The following ADAM28 variants were observed in gnomAD, a reference collection of about 807,000 sequenced individuals.
The protein encoded by ADAM28 is disintegrin and metalloproteinase domain-containing protein 28.
ADAM28 carries 105 observed loss-of-function variants against 101.2 expected under a neutral mutation model. That is an observed-to-expected ratio of 1.04 (90% CI 0.89 to 1.22). The LOEUF is 1.22. Among genes scored for constraint, ADAM28 ranks in the 50% most tolerant of loss-of-function variants. The probability of loss-of-function intolerance (pLI) is 0.00; values close to 1 mark genes in which losing one functional copy is unlikely to be tolerated. For synonymous variants in ADAM28, 322 were observed against 310.6 expected (o/e 1.04, Z -0.39); for missense variants, 1,028 against 945.4 (o/e 1.09, Z -1.15).
At chr8:24,316,994 A>T (rs1811242812) in intron 6 of ADAM28, among the ~76,000 whole-genome samples, 1 of 145,616 alleles carries the variant, frequency 6.9e-6, no homozygotes, top group African/African-American at 2.6e-5. Context: ...AATAAATTTT[A>T]CTAAGGAGGT....
At chr8:24,306,361 T>TATATATATATATATAA (rs1809638746) in intron 2 of ADAM28, among the ~76,000 whole-genome samples, 2 of 115,390 alleles carry the variant, frequency 1.7e-5, no homozygotes, top group South Asian at 5.5e-4. Context: ...AATAAATAAA[T>TATATATATATATATAA]AAATATATAT....
intron 19 of ADAM28, 141 bp downstream of exon 19, chr8:24,350,113 C>T (rs572643874): frequency 1.0e-4 from 70 of 674,770 alleles, no homozygotes; most frequent in East Asian, 3.1e-4. Context: ...TCTTTTTGGA[C>T]GAGAAACTGG....
intron 19 of ADAM28, among the ~76,000 whole-genome samples, 166 bp from the exon 20 acceptor site, chr8:24,351,066 A>T (rs1816056157): frequency 6.6e-6 from 1 of 152,142 alleles, no homozygotes. Flanking sequence ...AGGCAATGAA[A>T]GAGGCTGACG....
At chr8:24,301,370 A>T (rs1808741926) in intron 2 of ADAM28, among the ~76,000 whole-genome samples, 1 of 152,146 alleles carries the variant, frequency 6.6e-6, no homozygotes, top group African/African-American at 2.4e-5. Context: ...GTTGTGCATT[A>T]TGCTTATTAT....
chr8:24,349,615 T>G (rs184757482), intron 18 of ADAM28, among the ~76,000 whole-genome samples: 62 of 152,354 alleles, frequency 4.1e-4, no homozygotes, highest in African/African-American at 1.3e-3. Flanking sequence ...TATCTAAGTA[T>G]TCTCAATATT....
intron 2 of ADAM28, among the ~76,000 whole-genome samples, chr8:24,302,246 C>G (rs1035892982): frequency 6.6e-6 from 1 of 152,122 alleles, no homozygotes; most frequent in East Asian, 1.9e-4. Flanking sequence ...CAGCTCCATC[C>G]ATGTGCCTGC....
intron 6 of ADAM28, among the ~76,000 whole-genome samples, chr8:24,314,916 G>A (rs1309448595): frequency 9.5e-5 from 13 of 136,648 alleles, no homozygotes; most frequent in East Asian, 2.2e-4. Flanking sequence ...TAAACCTCAC[G>A]GTAAATACAA....
chr8:24,322,362 T>C (rs1393976167), intron 8 of ADAM28, among the ~76,000 whole-genome samples: 1 of 151,978 alleles, frequency 6.6e-6, no homozygotes, highest in Non-Finnish European at 1.5e-5. Context: ...GTGGACGTTC[T>C]CTTCAGATTG....
chr8:24,331,924 T>C (rs1813414644), intron 12 of ADAM28, among the ~76,000 whole-genome samples: 3 of 152,180 alleles, frequency 2.0e-5, no homozygotes, highest in Admixed American at 2.0e-4. Flanking sequence ...TTAATATAAA[T>C]AATGCATCAA....
At chr8:24,310,306 TG>T in intron 4 of ADAM28, 65 bp downstream of exon 4, 1 of 1,460,438 alleles carries the variant, frequency 6.8e-7, no homozygotes, top group Non-Finnish European at 9.5e-7. Context: ...GTAGTGTCCT[TG>T]CCAGGCAAAT....
intron 2 of ADAM28, among the ~76,000 whole-genome samples, chr8:24,307,791 G>GGTATT (rs1399948571): frequency 1.3e-5 from 2 of 152,094 alleles, no homozygotes; most frequent in Admixed American, 1.3e-4. Flanking sequence ...AAACCATCTT[G>GGTATT]GTATTGGCCC....
chr8:24,308,626 C>A, intron 2 of ADAM28: 1 of 456,138 alleles, frequency 2.2e-6, no homozygotes, highest in Non-Finnish European at 4.4e-6. Context: ...TTTTCAATGC[C>A]CTTTCTCTTT....
At chr8:24,311,640 A>G (rs1810474040) in intron 5 of ADAM28, among the ~76,000 whole-genome samples, 1 of 152,114 alleles carries the variant, frequency 6.6e-6, no homozygotes, top group Admixed American at 6.6e-5. Flanking sequence ...TTTCAAATAT[A>G]TTTTTGTTAG....
intron 4 of ADAM28, among the ~76,000 whole-genome samples, chr8:24,311,045 G>C (rs1394257344): frequency 6.6e-6 from 1 of 152,038 alleles, no homozygotes; most frequent in South Asian, 2.1e-4. Flanking sequence ...GGAAAAATGA[G>C]TGTCCAGTGT....
In ADAM28 at chr8:24,354,885, T is replaced by A. The variant is rs1816572190; in HGVS notation, c.*481T>A. On this transcript the variant is annotated 3_prime_UTR_variant, in exon 23 of 23. Transcript: ENST00000265769. The stretch of plus-strand genomic sequence containing the variant: ...TGGATCTCTTTCCTAGATTAGCTTC[T>A]GAAATCATTATTAGCTATATCATTT... The A allele has an allele frequency of 6.5e-6, 1 of 152,954 alleles. No homozygotes were observed. Among genetic ancestry groups the A allele is most frequent in the Non-Finnish European group, 1.5e-5 (1 of 68,320 alleles). 9.5% of individuals were successfully genotyped at this position (152,954 alleles called of 1,614,324 possible).
At chr8:24,316,793 G>A (rs994394007) in intron 6 of ADAM28, among the ~76,000 whole-genome samples, 2 of 152,080 alleles carry the variant, frequency 1.3e-5, no homozygotes, top group East Asian at 3.9e-4. Context: ...ATTTGCAGAT[G>A]AAATGATTCT....
intron 18 of ADAM28, among the ~76,000 whole-genome samples, chr8:24,344,123 A>G (rs1815127635): frequency 6.6e-6 from 1 of 152,098 alleles, no homozygotes; most frequent in South Asian, 2.1e-4. Flanking sequence ...TGTTGTACCT[A>G]CTGATATTTC....
At chr8:24,306,386 T>G (rs12675928) in intron 2 of ADAM28, among the ~76,000 whole-genome samples, 1 of 108,992 alleles carries the variant, frequency 9.2e-6, no homozygotes, top group African/African-American at 3.6e-5. Flanking sequence ...ATATATATAT[T>G]TAAAAATATA....
intron 4 of ADAM28, 94 bp from the exon 5 acceptor site, chr8:24,311,267 C>A: frequency 1.2e-6 from 1 of 843,680 alleles, no homozygotes; most frequent in Non-Finnish European, 1.9e-6. Context: ...TGTTTGAAAG[C>A]ATTTAAAATC....
Sources: gnomAD v4.1 joint callset for allele counts (sites outside exome capture counted in the v4.1 genomes callset) on GRCh38, gnomAD v4.1.1 for gene constraint, MANE v1.5 for transcripts, NCBI Gene and HGNC (gene_info 2026-07-23, HGNC 2026-07-21) for gene names.